The following THSD4 variants were observed in gnomAD, a reference collection of about 807,000 sequenced individuals.
THSD4 encodes thrombospondin type-1 domain-containing protein 4.
A neutral mutation model predicts 119.0 loss-of-function variants in THSD4; 69 were observed. That is an observed-to-expected ratio of 0.58 (90% CI 0.48 to 0.71). THSD4 has a LOEUF of 0.71. Among genes scored for constraint, THSD4 ranks in the 30% least tolerant of loss-of-function variants. The pLI is 0.00. For synonymous variants in THSD4, 524 were observed against 540.4 expected (o/e 0.97, Z 0.42); for missense variants, 1,393 against 1,391.1 (o/e 1.00, Z -0.02).
intron 7 of THSD4, among the ~76,000 whole-genome samples, chr15:71,583,291 C>G (rs930578639): frequency 1.3e-5 from 2 of 152,014 alleles, no homozygotes; most frequent in Admixed American, 6.6e-5. Context: ...ATTGTTTGAG[C>G]CTTTGACTCT....
chr15:71,305,084 A>G (rs2045006278), intron 6 of THSD4, among the ~76,000 whole-genome samples: 1 of 152,180 alleles, frequency 6.6e-6, no homozygotes, highest in South Asian at 2.1e-4. Context: ...TCTGATGAGG[A>G]TTCTGGGGAA....
At position 71,362,705 on chromosome 15, in the gene THSD4, G is replaced by A. The variant is rs191011871; in HGVS notation, c.1016-48982G>A. 2.8e-3 allele frequency among the ~76,000 whole-genome samples: 420 copies of A among 152,292 alleles called. 1 individual carries two copies. The highest frequency in any genetic ancestry group is 6.8e-3 in the Middle Eastern group (2 of 294). On this transcript the variant is annotated intron_variant, in intron 6 of 17. Coordinates refer to ENST00000261862, the MANE Select transcript of THSD4 (RefSeq NM_024817.3). ...TTTCCATGCATGGTCCCGGTGCTAT[G>A]CTCTGGAGTTACTGCCGACAGTGAG...
chr15:71,366,896 C>T (rs770197300), intron 6 of THSD4, among the ~76,000 whole-genome samples: 38 of 152,166 alleles, frequency 2.5e-4, no homozygotes, highest in Admixed American at 3.3e-4. Context: ...GTGAAGCGCC[C>T]TTCTCATACT....
intron 7 of THSD4, among the ~76,000 whole-genome samples, chr15:71,443,667 C>T (rs1370217832): frequency 7.0e-6 from 1 of 142,344 alleles, no homozygotes; most frequent in African/African-American, 2.6e-5. Flanking sequence ...ACCGCAGCAT[C>T]CCAGATCACT....
chr15:71,381,449 G>A (rs926166250), intron 6 of THSD4, among the ~76,000 whole-genome samples: 2 of 152,174 alleles, frequency 1.3e-5, no homozygotes, highest in South Asian at 4.1e-4. Context: ...CTGGCTTGAT[G>A]TTGGGCTAGC....
At chr15:71,199,738 A>G (rs866875498) in intron 3 of THSD4, among the ~76,000 whole-genome samples, 285 of 20,500 alleles carry the variant, frequency 0.014, no homozygotes, top group East Asian at 0.023. Flanking sequence ...GTGTGTGTGT[A>G]GTGTGTGTGG....
chr15:71,676,300 G>C (rs565150377), intron 8 of THSD4, among the ~76,000 whole-genome samples: 108 of 151,536 alleles, frequency 7.1e-4, no homozygotes, highest in Non-Finnish European at 1.2e-3. Flanking sequence ...ATTTTTTTTT[G>C]AGACGGAGTC....
At chr15:71,611,100 T>A (rs369928526) in intron 7 of THSD4, among the ~76,000 whole-genome samples, 1 of 152,240 alleles carries the variant, frequency 6.6e-6, no homozygotes, top group African/African-American at 2.4e-5. Flanking sequence ...AAAATAAAAA[T>A]CACTGGACTT....
intron 7 of THSD4, among the ~76,000 whole-genome samples, chr15:71,431,021 A>G (rs758229375): frequency 2.6e-5 from 4 of 152,228 alleles, no homozygotes; most frequent in Non-Finnish European, 5.9e-5. Context: ...GCAAATAACT[A>G]CATTACCATA....
At chr15:71,652,467 TCTCTC>T (rs1375136788) in intron 7 of THSD4, among the ~76,000 whole-genome samples, 2 of 152,200 alleles carry the variant, frequency 1.3e-5, no homozygotes, top group Admixed American at 6.5e-5. Flanking sequence ...ATTTCAGGCC[TCTCTC>T]CTCCTTCCCC....
chr15:71,386,233 G>T (rs1370801483), intron 6 of THSD4, among the ~76,000 whole-genome samples: 1 of 152,124 alleles, frequency 6.6e-6, no homozygotes, highest in Non-Finnish European at 1.5e-5. Flanking sequence ...GACAAAACAG[G>T]CAGCTACTTA....
intron 3 of THSD4, among the ~76,000 whole-genome samples, chr15:71,200,395 G>T (rs1446154312): frequency 6.6e-6 from 1 of 152,104 alleles, no homozygotes; most frequent in African/African-American, 2.4e-5. Context: ...CTGGATCCTG[G>T]TGAGCTTTTC....
chr15:71,329,198 T>C (rs1374975022), intron 6 of THSD4, among the ~76,000 whole-genome samples: 1 of 152,132 alleles, frequency 6.6e-6, no homozygotes, highest in African/African-American at 2.4e-5. Flanking sequence ...TATTCCCAGC[T>C]TTCCTGACAG....
intron 1 of THSD4, among the ~76,000 whole-genome samples, chr15:71,123,876 G>A (rs868465207): frequency 5.9e-5 from 9 of 152,198 alleles, no homozygotes; most frequent in African/African-American, 1.4e-4. Flanking sequence ...AATGTGGAGC[G>A]TGCATTTACT....
chr15:71,214,673 C>T (rs1301728660), intron 3 of THSD4, among the ~76,000 whole-genome samples: 2 of 152,220 alleles, frequency 1.3e-5, no homozygotes, highest in African/African-American at 4.8e-5. Flanking sequence ...CTTGCCTTTC[C>T]GGCAGGGTGA....
intron 7 of THSD4, among the ~76,000 whole-genome samples, chr15:71,600,082 CT>C (rs1380254672): frequency 1.3e-5 from 2 of 152,166 alleles, no homozygotes; most frequent in African/African-American, 4.8e-5. Flanking sequence ...CAAAGTGTTT[CT>C]TTTTTAAGAC....
chr15:71,395,875 C>T (rs562871475), intron 6 of THSD4, among the ~76,000 whole-genome samples: 1 of 151,638 alleles, frequency 6.6e-6, no homozygotes, highest in South Asian at 2.1e-4. Context: ...CTTCCTTTTC[C>T]AGTGTCTCCC....
chr15:71,409,926 A>G (rs12901896), intron 6 of THSD4, among the ~76,000 whole-genome samples: 22,458 of 149,962 alleles, frequency 0.15, 1,946 homozygotes, highest in Admixed American at 0.23. Context: ...GTGTGTACTT[A>G]TCTTGTCTGT....
chr15:71,214,780 G>A (rs1403934719), intron 3 of THSD4, among the ~76,000 whole-genome samples: 1 of 152,214 alleles, frequency 6.6e-6, no homozygotes, highest in Non-Finnish European at 1.5e-5. Flanking sequence ...TCCTGAAACC[G>A]CGTGAGCCCT....
Sources: allele counts gnomAD v4.1 joint callset (sites outside exome capture counted in the v4.1 genomes callset), GRCh38; gene constraint gnomAD v4.1.1; transcripts MANE v1.5; gene names NCBI Gene and HGNC (gene_info 2026-07-23, HGNC 2026-07-21).